ZNF383: variants seen among roughly 807,000 people sequenced by gnomAD.
ZNF383 encodes the protein zinc finger protein 383.
In ZNF383, 32 loss-of-function variants were observed where a neutral mutation model predicts 44.2. The observed-to-expected ratio is 0.72, with a 90% CI of 0.55 to 0.97. The LOEUF (loss-of-function observed/expected upper bound fraction) is 0.97, where lower values mean the gene tolerates loss of function less well. ZNF383 is among the 50% of genes least tolerant of loss of function. The probability of loss-of-function intolerance (pLI) is 0.00; values close to 1 mark genes in which losing one functional copy is unlikely to be tolerated. For synonymous variants in ZNF383, 155 were observed against 186.2 expected (o/e 0.83, Z 1.36); for missense variants, 487 against 562.5 (o/e 0.87, Z 1.36).
chr19:37,236,215 G>A, intron 5 of ZNF383, 141 bp downstream of exon 5: 1 of 539,272 alleles, frequency 1.9e-6, no homozygotes, highest in Non-Finnish European at 3.2e-6. Context: ...AGTCCTTTTA[G>A]CATAGTTGTT....
chr19:37,225,117 A>G (rs1973098142), intron 2 of ZNF383, 178 bp downstream of exon 2: 1 of 149,906 alleles, frequency 6.7e-6, no homozygotes, highest in South Asian at 2.1e-4. Context: ...TTTTTTTGAG[A>G]TGAGTTTTGA....
At chr19:37,232,846 A>G (rs894882509) in intron 3 of ZNF383, among the ~76,000 whole-genome samples, 11 of 152,262 alleles carry the variant, frequency 7.2e-5, no homozygotes, top group Non-Finnish European at 4.4e-5. Context: ...TCATGGATTA[A>G]ACATTTTTAA....
chr19:37,229,803 T>TATA (rs1555782563), intron 2 of ZNF383, among the ~76,000 whole-genome samples: 2,160 of 73,598 alleles, frequency 0.029, 52 homozygotes, highest in African/African-American at 0.087. Context: ...TATATATATA[T>TATA]TTTTTTTTTT....
In ZNF383 at chr19:37,225,791, A is replaced by AT. The variant is rs375895708; in HGVS notation, c.-46+868dup. The stretch of plus-strand genomic sequence containing the variant: ...TACTTTTTATTATCATTCAGTTTAA[A>AT]TTTTTTTTTTTTTTTTGAGAAGGAG... On this transcript the variant is annotated intron_variant, in intron 2 of 5. Coordinates refer to ENST00000684119, the MANE Select transcript of ZNF383 (RefSeq NM_001387601.1). 5.8e-3 allele frequency among the ~76,000 whole-genome samples: 829 copies of AT among 143,784 alleles called. 5 individuals carry two copies. Among genetic ancestry groups the AT allele is most frequent in the East Asian group, 0.043 (209 of 4,886 alleles). The allele number at this position is 143,784 out of a possible 152,430, so 94.3% of individuals were successfully genotyped here.
chr19:37,228,623 G>A (rs1973298546), intron 2 of ZNF383, among the ~76,000 whole-genome samples: 1 of 151,920 alleles, frequency 6.6e-6, no homozygotes, highest in South Asian at 2.1e-4. Flanking sequence ...TTTTGTGTGT[G>A]TCTACTAACT....
Position 37,236,075 on chromosome 19 carries a change from G to GT in ZNF383, c.232+2dup. The GT allele has an allele frequency of 6.2e-7, 1 of 1,611,676 alleles. No homozygotes were observed. Among genetic ancestry groups the GT allele is most frequent in the Non-Finnish European group, 8.5e-7 (1 of 1,178,798 alleles). ...GAGCTTACAAGAGGCCTGTGTTCAG[G>GT]TAAGTGAGAAATGACCGGACAGGAG... On this transcript the variant is annotated splice_donor_variant, in intron 5 of 5. Transcript: ENST00000684119. LOFTEE classifies it high-confidence loss of function.
chr19:37,235,777 ATTC>A, intron 4 of ZNF383, 102 bp downstream of exon 4: 1 of 1,422,854 alleles, frequency 7.0e-7, no homozygotes, highest in Admixed American at 2.3e-5. Context: ...CTGAATTTCT[ATTC>A]TTTATTACCA....
chr19:37,242,449 A>G lies in ZNF383; in HGVS notation c.233-20A>G. 1 of 1,465,992 alleles carries G rather than the reference A, an allele frequency of 6.8e-7. No individual in the cohort carries two copies. The highest frequency in any genetic ancestry group is 1.2e-5 in the South Asian group (1 of 80,162). The allele number at this position is 1,465,992 out of a possible 1,614,324, so 90.8% of individuals were successfully genotyped here. On this transcript the variant is annotated intron_variant, in intron 5 of 5. Transcript: ENST00000684119. The stretch of plus-strand genomic sequence containing the variant: ...TCACAAATAGGAAAAAAGAACATTT[A>G]CCATTTTATTTTCTTTCAGATCTGG...
rs71177436 is a variant in ZNF383, at chr19:37,229,632, GTATA to G, written c.-45-765_-45-762del. Among the ~76,000 whole-genome samples the G allele has an allele frequency of 2.3e-3, 318 of 140,656 alleles. 2 individuals are homozygous for G. Among genetic ancestry groups the G allele is most frequent in the African/African-American group, 8.1e-3 (303 of 37,560 alleles). The allele number at this position is 140,656 out of a possible 152,430, so 92.3% of individuals were successfully genotyped here. ...TATATATATGTGTGTGTGTGTGTGT[GTATA>G]TATATATATATGTATATATATGTGT... On this transcript the variant is annotated intron_variant, in intron 2 of 5. Transcript: ENST00000684119.
Position 37,243,150 on chromosome 19 carries a change from C to G in ZNF383, c.914C>G (p.Thr305Arg), listed in dbSNP as rs776072524. The part of the protein sequence containing the change: ...SQLFQHARIH[T>R]GEKPYECKEC... ...CTTTTTCAGCATGCACGAATTCATA[C>G]AGGTGAGAAACCCTATGAATGTAAG... The change falls in exon 6 of 6, where the codon ACA becomes AGA. Residue 305 changes from threonine to arginine, a missense_variant. By Grantham distance (71) the Thr-to-Arg change is moderately conservative. Coordinates refer to ENST00000684119, the MANE Select transcript of ZNF383 (RefSeq NM_001387601.1). 6.2e-7 allele frequency: 1 copy of G among 1,614,150 alleles called. No homozygotes were observed. The highest frequency in any genetic ancestry group is 1.1e-5 in the South Asian group (1 of 91,086).
chr19:37,229,913 CT>C (rs1973400523), intron 2 of ZNF383, among the ~76,000 whole-genome samples: 2 of 149,532 alleles, frequency 1.3e-5, no homozygotes, highest in Non-Finnish European at 3.0e-5. Flanking sequence ...GTGAAGTTGA[CT>C]TTTTGAGGGT....
rs1268206216 is a variant in ZNF383 at position 37,229,676 on chromosome 19, GTATATGTGTGTGTATATATATGTATATA to G, written c.-45-701_-45-674del. ...TATATATGTGTGTATATATATGTATGTATATGTGTGTGTATATATATGTATATATATATGTGTGTGTATATATATGTAT... is the reference window on the plus strand; with the variant it reads ...TATATATGTGTGTATATATATGTATGTATATGTGTGTGTATATATATGTAT... On this transcript the variant is annotated intron_variant, in intron 2 of 5. Transcript: ENST00000684119. Among the ~76,000 whole-genome samples the G allele has an allele frequency of 1.4e-3, 190 of 132,374 alleles. 1 individual carries two copies. Among genetic ancestry groups the G allele is most frequent in the Non-Finnish European group, 2.0e-3 (129 of 64,746 alleles). The allele number at this position is 132,374 out of a possible 152,430, so 86.8% of individuals were successfully genotyped here. A position where few individuals can be genotyped will look rare whatever the true frequency, so the allele number is the denominator to read the frequency against.
chr19:37,230,502 T>TTA, intron 3 of ZNF383, 40 bp downstream of exon 3: 2 of 1,481,232 alleles, frequency 1.4e-6, no homozygotes, highest in East Asian at 2.3e-5. Flanking sequence ...ACATTTAGTT[T>TTA]AAAAAAAAAA....
At chr19:37,223,347 A>G (rs547878594) in intron 1 of ZNF383, among the ~76,000 whole-genome samples, 2 of 152,322 alleles carry the variant, frequency 1.3e-5, no homozygotes, top group African/African-American at 4.8e-5. Context: ...ATGAAATAAT[A>G]CTGTAACTTT....
In ZNF383 at chr19:37,242,745, A is replaced by G. The variant is rs776926631; in HGVS notation, c.509A>G (p.Tyr170Cys). The G allele has an allele frequency of 2.5e-6, 4 of 1,614,160 alleles. No homozygotes were observed. The highest frequency in any genetic ancestry group is 2.5e-6 in the Non-Finnish European group (3 of 1,180,006). The change falls in exon 6 of 6, where the codon TAT becomes TGT. Residue 170 changes from tyrosine (Y) to cysteine (C), a missense_variant. Coordinates refer to ENST00000684119, the MANE Select transcript of ZNF383 (RefSeq NM_001387601.1). ...ATAATTAATAATGAAGACAGACCCT[A>G]TGAATGTAAGAAATGTGGAAAGGCC... The part of the protein sequence containing the change: ...HQIINNEDRP[Y>C]ECKKCGKAFS...
At chr19:37,225,936 C>T (rs532725707) in intron 2 of ZNF383, among the ~76,000 whole-genome samples, 3 of 150,588 alleles carry the variant, frequency 2.0e-5, no homozygotes, top group Admixed American at 6.7e-5. Flanking sequence ...ACTACAGGCG[C>T]GCACCACCAT....
At chr19:37,241,981 CTA>C (rs1186760387) in intron 5 of ZNF383, among the ~76,000 whole-genome samples, 2 of 112,174 alleles carry the variant, frequency 1.8e-5, no homozygotes, top group Non-Finnish European at 3.7e-5. Flanking sequence ...TATAGTATGT[CTA>C]TATATACTAT....
At chr19:37,226,531 T>A (rs1973177424) in intron 2 of ZNF383, 1 of 152,242 alleles carries the variant, frequency 6.6e-6, no homozygotes, top group Admixed American at 6.5e-5. Flanking sequence ...CTTTTTATTG[T>A]CTCCATAGTT....
At chr19:37,232,363 C>T (rs978491333) in intron 3 of ZNF383, among the ~76,000 whole-genome samples, 1 of 151,920 alleles carries the variant, frequency 6.6e-6, no homozygotes, top group Non-Finnish European at 1.5e-5. Flanking sequence ...CCACCATGCC[C>T]GGCCAAAAAT....
Sources: gnomAD v4.1 joint callset for allele counts (sites outside exome capture counted in the v4.1 genomes callset) on GRCh38, gnomAD v4.1.1 for gene constraint, MANE v1.5 for transcripts, NCBI Gene and HGNC (gene_info 2026-07-23, HGNC 2026-07-21) for gene names.